TBCD: variants seen among roughly 807,000 people sequenced by gnomAD.
TBCD encodes tubulin folding cofactor D.
In TBCD, 105 loss-of-function variants were observed where a neutral mutation model predicts 169.3. That is an observed-to-expected ratio of 0.62 (90% CI 0.53 to 0.73). The LOEUF (loss-of-function observed/expected upper bound fraction) is 0.73. TBCD is among the 30% of genes least tolerant of loss of function. The pLI, the probability that TBCD is intolerant of heterozygous loss-of-function variation, is 0.00. For missense variants in TBCD, 1,444 were observed against 1,600.1 expected (o/e 0.90, Z 1.66); for synonymous variants, 700 against 643.9 (o/e 1.09, Z -1.32).
At chr17:82,783,733 C>T (rs1408955160) in intron 7 of TBCD, among the ~76,000 whole-genome samples, 3 of 152,150 alleles carry the variant, frequency 2.0e-5, no homozygotes, top group Admixed American at 6.5e-5. Flanking sequence ...TTTCCATATG[C>T]CAGCGTGTGG....
intron 33 of TBCD, among the ~76,000 whole-genome samples, chr17:82,931,343 G>A (rs2062184613): frequency 6.6e-6 from 1 of 152,238 alleles, no homozygotes; most frequent in Non-Finnish European, 1.5e-5. Context: ...ATTTTGATAG[G>A]TGTCCACCCT....
rs1448788459 is a variant in TBCD at position 82,919,541 on chromosome 17, C to T, written c.2039-1015C>T. 2.0e-5 allele frequency among the ~76,000 whole-genome samples: 3 copies of T among 152,110 alleles called. No homozygotes were observed. The East Asian group carries it at 5.8e-4, about 29-fold the overall frequency. On this transcript the variant is annotated intron_variant, in intron 23 of 38. Coordinates refer to ENST00000355528, the MANE Select transcript of TBCD (RefSeq NM_005993.5). The stretch of plus-strand genomic sequence containing the variant: ...CCAGTATGAAATGGGGCAGAGCAGA[C>T]GTGTGGGCATTTCATGCAGAAGAGG...
intron 5 of TBCD, among the ~76,000 whole-genome samples, chr17:82,770,309 G>A (rs1038056208): frequency 2.0e-5 from 3 of 152,178 alleles, no homozygotes; most frequent in African/African-American, 7.2e-5. Context: ...TAGAGGTAGT[G>A]TGGTGATGGG....
At chr17:82,939,250 C>G (rs1310380754) in intron 36 of TBCD, 117 bp from the exon 37 acceptor site, 1 of 795,066 alleles carries the variant, frequency 1.3e-6, no homozygotes, top group Non-Finnish European at 2.1e-6. Flanking sequence ...GATGCAGGGT[C>G]AGCGTCCTCC....
intron 7 of TBCD, among the ~76,000 whole-genome samples, chr17:82,790,290 T>C (rs1022389266): frequency 6.6e-6 from 1 of 152,228 alleles, no homozygotes; most frequent in Non-Finnish European, 1.5e-5. Context: ...TGCCAGACTC[T>C]GTCCCATGCT....
At chr17:82,905,154 G>A (rs1002061844) in intron 19 of TBCD, among the ~76,000 whole-genome samples, 1 of 152,170 alleles carries the variant, frequency 6.6e-6, no homozygotes, top group Admixed American at 6.5e-5. Flanking sequence ...CCACCCCTGG[G>A]GGCAGCCCTG....
intron 34 of TBCD, among the ~76,000 whole-genome samples, chr17:82,934,215 C>G (rs1329308715): frequency 6.6e-6 from 1 of 152,246 alleles, no homozygotes; most frequent in East Asian, 1.9e-4. Context: ...GGGCTTCCCG[C>G]TGGAGTCTGC....
intron 13 of TBCD, among the ~76,000 whole-genome samples, chr17:82,819,483 A>G (rs766665792): frequency 6.6e-6 from 1 of 152,142 alleles, no homozygotes; most frequent in Admixed American, 6.5e-5. Context: ...CTAATTTTTT[A>G]AAGAAATTCG....
chr17:82,819,561 C>CAGGTTTTAAAAAGGTAGTTGGGTGA (rs2052233854), intron 13 of TBCD, among the ~76,000 whole-genome samples: 1 of 152,124 alleles, frequency 6.6e-6, no homozygotes, highest in African/African-American at 2.4e-5. Flanking sequence ...TAGTTGGGTG[C>CAGGTTTTAAAAAGGTAGTTGGGTGA]AGTCCCAGCT....
At chr17:82,868,968 C>T (rs1049825030) in intron 13 of TBCD, among the ~76,000 whole-genome samples, 2 of 150,710 alleles carry the variant, frequency 1.3e-5, no homozygotes, top group African/African-American at 2.4e-5. Context: ...GTGTGCAGAG[C>T]CCCGAACGAG....
At chr17:82,861,197 C>A (rs903964723) in intron 13 of TBCD, among the ~76,000 whole-genome samples, 2 of 152,184 alleles carry the variant, frequency 1.3e-5, no homozygotes, top group African/African-American at 4.8e-5. Flanking sequence ...ATAGGGCAGG[C>A]CCCGGTGGTC....
At chr17:82,765,933 C>T (rs930629169) in intron 3 of TBCD, among the ~76,000 whole-genome samples, 2 of 152,132 alleles carry the variant, frequency 1.3e-5, no homozygotes, top group Non-Finnish European at 2.9e-5. Context: ...CTCCCTCCTG[C>T]CTCATCCTCT....
chr17:82,805,870 C>T lies in TBCD; in HGVS notation c.951-5C>T, dbSNP rs1252959684. The T allele has an allele frequency of 1.2e-6, 2 of 1,604,558 alleles. No homozygotes were observed. The highest frequency in any genetic ancestry group is 8.5e-7 in the Non-Finnish European group (1 of 1,172,116). ...GCTGATCTGAGGATGCTTTGCTTTG[C>T]ACAGGTACCAGCGTGGCTGCCGATC... On this transcript the variant is annotated splice_polypyrimidine_tract_variant and splice_region_variant and intron_variant, in intron 9 of 38. Transcript: ENST00000355528.
At chr17:82,860,002 A>G (rs912174886) in intron 13 of TBCD, among the ~76,000 whole-genome samples, 2 of 152,192 alleles carry the variant, frequency 1.3e-5, no homozygotes, top group Non-Finnish European at 2.9e-5. Context: ...CAGCTCCAGC[A>G]TGGCGTCCTC....
At chr17:82,775,031 G>T (rs2048501147) in intron 6 of TBCD, among the ~76,000 whole-genome samples, 1 of 152,240 alleles carries the variant, frequency 6.6e-6, no homozygotes, top group South Asian at 2.1e-4. Flanking sequence ...TGGCTCTGTG[G>T]AGTGCGGTGC....
intron 16 of TBCD, chr17:82,893,327 T>C: frequency 1.8e-6 from 1 of 554,720 alleles, no homozygotes; most frequent in Non-Finnish European, 3.2e-6. Context: ...GTGAGTGGTT[T>C]CAATGATTTA....
chr17:82,761,889 C>T (rs1343788964), intron 2 of TBCD, among the ~76,000 whole-genome samples: 1 of 151,314 alleles, frequency 6.6e-6, no homozygotes, highest in Non-Finnish European at 1.5e-5. Context: ...ACACACCCAG[C>T]TAATTTTTTT....
rs2051005019 is a variant in TBCD, at chr17:82,806,876, G to T, written c.1088-732G>T. The stretch of plus-strand genomic sequence containing the variant: ...TTGCGTGGTAGGCGCCCGCATCTGT[G>T]CTGGGCGGCTCTGAGTCCCGGGCGG... On this transcript the variant is annotated intron_variant, in intron 10 of 38. Coordinates refer to ENST00000355528, the MANE Select transcript of TBCD (RefSeq NM_005993.5). The surrounding 1 kb of genome is among the most constrained non-coding windows in gnomAD (Gnocchi z 5.1). Among the ~76,000 whole-genome samples the T allele has an allele frequency of 6.6e-6, 1 of 152,176 alleles. No individual in the cohort carries two copies. Among genetic ancestry groups the T allele is most frequent in the Non-Finnish European group, 1.5e-5 (1 of 68,036 alleles).
chr17:82,941,708 T>TG, intron 38 of TBCD: 1 of 539,898 alleles, frequency 1.9e-6, no homozygotes, highest in Admixed American at 3.6e-5. Flanking sequence ...CTGGGGCGTT[T>TG]GGGGGGCCGG....
Sources: allele counts gnomAD v4.1 joint callset (sites outside exome capture counted in the v4.1 genomes callset), GRCh38; gene constraint gnomAD v4.1.1; non-coding constraint Gnocchi (gnomAD v3.1); transcripts MANE v1.5; gene names NCBI Gene and HGNC (gene_info 2026-07-23, HGNC 2026-07-21).